FAM153A: variants seen among roughly 807,000 people sequenced by gnomAD.
The protein encoded by FAM153A is protein FAM153A.
Under a neutral mutation model 48.1 loss-of-function variants are expected in FAM153A, and 12 were observed. The observed-to-expected ratio is 0.25, with a 90% CI of 0.16 to 0.40. The LOEUF (loss-of-function observed/expected upper bound fraction) is 0.40, where lower values mean the gene tolerates loss of function less well. FAM153A is among the 10% of genes least tolerant of loss of function. The pLI, the probability that FAM153A is intolerant of heterozygous loss-of-function variation, is 1.00. For synonymous variants in FAM153A, 36 were observed against 118.2 expected (o/e 0.30, Z 4.51); for missense variants, 111 against 345.8 (o/e 0.32, Z 5.38).
downstream of FAM153A, among the ~76,000 whole-genome samples, chr5:177,709,129 A>AGAAAG (rs1561848068): frequency 7.5e-6 from 1 of 133,402 alleles, no homozygotes; most frequent in East Asian, 2.2e-4. Flanking sequence ...AAAAAAAAAA[A>AGAAAG]AAAGAAAGAA....
chr5:177,743,201 GTTTTGT>G (rs1439413224), intron 6 of FAM153A, among the ~76,000 whole-genome samples: 22 of 86,476 alleles, frequency 2.5e-4, no homozygotes, highest in African/African-American at 7.7e-4. Flanking sequence ...TTTTTTTTTT[GTTTTGT>G]TTTTTTTTTT....
chr5:177,749,865 T>G (rs1766595103), intron 2 of FAM153A, among the ~76,000 whole-genome samples: 1 of 141,326 alleles, frequency 7.1e-6, no homozygotes, highest in Non-Finnish European at 1.5e-5. Context: ...GAAAACATAG[T>G]CTTACCAGCA....
intron 1 of FAM153A, among the ~76,000 whole-genome samples, chr5:177,763,902 G>C (rs982781337): frequency 4.0e-5 from 6 of 151,588 alleles, no homozygotes; most frequent in African/African-American, 1.5e-4. Context: ...GCCTTGGCTG[G>C]GCCCTCTAAG....
chr5:177,695,736 C>T, the FAM153A span, among the ~76,000 whole-genome samples: 5 of 151,786 alleles, frequency 3.3e-5, no homozygotes, highest in Non-Finnish European at 2.9e-5. Context: ...AAACCACCAT[C>T]ATCATCATGG....
At chr5:177,714,524 ATTG>A in intron 25 of FAM153A, among the ~76,000 whole-genome samples, 2 of 107,560 alleles carry the variant, frequency 1.9e-5, no homozygotes, top group Non-Finnish European at 3.6e-5. Flanking sequence ...CTTTTAAAAT[ATTG>A]TTACTATCTT....
downstream of FAM153A, among the ~76,000 whole-genome samples, chr5:177,709,134 AAAGAAAAG>A (rs1758144669): frequency 9.6e-6 from 1 of 104,142 alleles, no homozygotes; most frequent in African/African-American, 3.7e-5. Flanking sequence ...AAAAAAAAAG[AAAGAAAAG>A]CCTAGTTTTG....
At chr5:177,707,292 C>G (rs1252986817), downstream of FAM153A, among the ~76,000 whole-genome samples, 1 of 151,800 alleles carries the variant, frequency 6.6e-6, no homozygotes, top group Admixed American at 6.6e-5. Context: ...GGCCACAAAA[C>G]AAATCTCAAA....
At chr5:177,759,048 T>A (rs964631424) in intron 1 of FAM153A, among the ~76,000 whole-genome samples, 53 of 151,730 alleles carry the variant, frequency 3.5e-4, no homozygotes, top group African/African-American at 1.3e-3. Flanking sequence ...ACCTACAGAA[T>A]GGGAGAAAAA....
At chr5:177,700,290 A>G in the FAM153A span, among the ~76,000 whole-genome samples, 7 of 152,070 alleles carry the variant, frequency 4.6e-5, no homozygotes, top group East Asian at 7.7e-4. Flanking sequence ...AACAAATACA[A>G]GGATGTTCAC....
chr5:177,712,212 C>CT (rs1440599243), exon 27 of FAM153A: 8 of 151,962 alleles, frequency 5.3e-5, no homozygotes, highest in African/African-American at 1.2e-4. Flanking sequence ...TGGCTCGTAC[C>CT]TTTAATCCCA....
downstream of FAM153A, among the ~76,000 whole-genome samples, chr5:177,703,163 G>C: frequency 6.6e-6 from 1 of 150,832 alleles, no homozygotes; most frequent in Non-Finnish European, 1.5e-5. Flanking sequence ...TGGTGTCGGG[G>C]GCTGAGCCTT....
the FAM153A span, among the ~76,000 whole-genome samples, chr5:177,701,967 G>C: frequency 6.6e-6 from 1 of 151,532 alleles, no homozygotes; most frequent in South Asian, 2.1e-4. Context: ...GAGTGCAGTG[G>C]CGCAATCTCG....
At chr5:177,743,206 GT>G (rs1453924824) in intron 6 of FAM153A, among the ~76,000 whole-genome samples, 1 of 65,638 alleles carries the variant, frequency 1.5e-5, no homozygotes, top group Non-Finnish European at 2.9e-5. Flanking sequence ...TTTTTGTTTT[GT>G]TTTTTTTTTT....
intron 1 of FAM153A, among the ~76,000 whole-genome samples, chr5:177,766,164 T>TAA (rs779831237): frequency 0.17 from 15,095 of 90,596 alleles, 2,200 homozygotes; most frequent in African/African-American, 0.31. Flanking sequence ...GCCAATAGGA[T>TAA]AAAAAAAAAA....
chr5:177,713,151 TCA>T (rs1165977080), exon 27 of FAM153A: 1 of 151,996 alleles, frequency 6.6e-6, no homozygotes, highest in Non-Finnish European at 1.5e-5. Flanking sequence ...CCAAATGGCC[TCA>T]CAAATATTTC....
downstream of FAM153A, among the ~76,000 whole-genome samples, chr5:177,719,397 T>C (rs1025782013): frequency 2.3e-4 from 33 of 146,336 alleles, 1 homozygote; most frequent in African/African-American, 8.0e-4. Flanking sequence ...ATCAAAAAAG[T>C]ACAGACGAGC....
At chr5:177,746,585 A>C (rs1475121311) in intron 4 of FAM153A, among the ~76,000 whole-genome samples, 1 of 151,306 alleles carries the variant, frequency 6.6e-6, no homozygotes, top group Admixed American at 6.6e-5. Context: ...GAAAATACTC[A>C]ATTATCCTAC....
At chr5:177,730,586 A>G (rs1429692565) in intron 16 of FAM153A, among the ~76,000 whole-genome samples, 1 of 121,228 alleles carries the variant, frequency 8.2e-6, no homozygotes, top group Non-Finnish European at 1.9e-5. Flanking sequence ...AGACCATCCA[A>G]TAACGATAGT....
chr5:177,704,614 T>G (rs145518891), downstream of FAM153A, among the ~76,000 whole-genome samples: 2 of 147,106 alleles, frequency 1.4e-5, no homozygotes, highest in African/African-American at 5.1e-5. Context: ...GGTGATTGGA[T>G]CATGGAGGCA....
Sources: allele counts gnomAD v4.1 joint callset (sites outside exome capture counted in the v4.1 genomes callset), GRCh38; gene constraint gnomAD v4.1.1; transcripts MANE v1.5; gene names NCBI Gene and HGNC (gene_info 2026-07-23, HGNC 2026-07-21).